The following PTGS1 variants were observed in gnomAD, a reference collection of about 807,000 sequenced individuals.
PTGS1 encodes prostaglandin-endoperoxide synthase 1, also known as prostaglandin G/H synthase 1.
Under a neutral mutation model 63.0 loss-of-function variants are expected in PTGS1, and 40 were observed. The ratio of observed to expected loss-of-function variants is 0.63; its 90% CI spans 0.49 to 0.83. PTGS1 has a LOEUF of 0.83. Among genes scored for constraint, PTGS1 ranks in the 40% least tolerant of loss-of-function variants. The probability of loss-of-function intolerance (pLI) is 0.00; values close to 1 mark genes in which losing one functional copy is unlikely to be tolerated. For synonymous variants in PTGS1, 298 were observed against 301.9 expected (o/e 0.99, Z 0.13); for missense variants, 709 against 786.5 (o/e 0.90, Z 1.18).
At chr9:122,374,422 C>A (rs1168511490) in intron 2 of PTGS1, among the ~76,000 whole-genome samples, 3 of 152,102 alleles carry the variant, frequency 2.0e-5, no homozygotes, top group African/African-American at 7.2e-5. Flanking sequence ...GGGACTCACC[C>A]AAGAATGCAC....
intron 2 of PTGS1, among the ~76,000 whole-genome samples, chr9:122,377,516 A>G (rs1381586815): frequency 7.1e-6 from 1 of 140,246 alleles, no homozygotes; most frequent in Non-Finnish European, 1.5e-5. Flanking sequence ...AACTCTGACT[A>G]GGCAGGAAGT....
At chr9:122,385,288 A>G (rs1046511359) in intron 8 of PTGS1, among the ~76,000 whole-genome samples, 2 of 152,084 alleles carry the variant, frequency 1.3e-5, no homozygotes, top group Admixed American at 1.3e-4. Flanking sequence ...CACATTTTAC[A>G]GTTAAGGAAA....
At chr9:122,374,882 G>A (rs540968016) in intron 2 of PTGS1, among the ~76,000 whole-genome samples, 1 of 152,250 alleles carries the variant, frequency 6.6e-6, no homozygotes, top group South Asian at 2.1e-4. Context: ...TCTTGGCTCC[G>A]CAACTTCAAA....
intron 10 of PTGS1, among the ~76,000 whole-genome samples, chr9:122,390,947 A>C (rs1838184871): frequency 6.6e-6 from 1 of 152,048 alleles, no homozygotes; most frequent in Admixed American, 6.6e-5. Context: ...GTATCTAGGG[A>C]AACAGTCATA....
intron 9 of PTGS1, among the ~76,000 whole-genome samples, chr9:122,387,236 T>C (rs1837927377): frequency 6.6e-6 from 1 of 151,780 alleles, no homozygotes; most frequent in African/African-American, 2.4e-5. Context: ...GTGGTGTTAG[T>C]GGCAGGGGAT....
At chr9:122,375,370 G>C in intron 2 of PTGS1, 1 of 985,562 alleles carries the variant, frequency 1.0e-6, no homozygotes, top group Non-Finnish European at 1.2e-6. Flanking sequence ...GGCCATGGCG[G>C]GAGGCCTTCC....
At chr9:122,388,468 C>A (rs1381659017) in intron 9 of PTGS1, among the ~76,000 whole-genome samples, 1 of 152,184 alleles carries the variant, frequency 6.6e-6, no homozygotes, top group Admixed American at 6.5e-5. Flanking sequence ...TTTAAATTGA[C>A]CACAGCCATA....
rs10306140 is a variant in PTGS1 at position 122,378,868 on chromosome 9, G to C, written c.446G>C (p.Arg149Pro). The change falls in exon 5 of 11, where the codon CGT becomes CCT. Residue 149 changes from arginine to proline, a missense_variant. By Grantham distance (103) the Arg-to-Pro change is moderately radical. Transcript: ENST00000362012. Reference sequence around the variant, plus strand: ...TTCTCCAACGTGAGCTATTACACTCGTATTCTGCCCTCTGTGCCTAAAGAT... The same window carrying C: ...TTCTCCAACGTGAGCTATTACACTCCTATTCTGCCCTCTGTGCCTAAAGAT... ...ESFSNVSYYT[R>P]ILPSVPKDCP... 2 of 1,614,204 alleles carry C rather than the reference G, an allele frequency of 1.2e-6. No individual in the cohort carries two copies. Among genetic ancestry groups the C allele is most frequent in the South Asian group, 1.1e-5 (1 of 91,090 alleles).
Position 122,391,358 on chromosome 9 carries a change from CATATATATATATACAT to C in PTGS1, c.1445-819_1445-804del, listed in dbSNP as rs773754495. ...TGTGTATATATATACTATATATATACATATATATATATACATATATATATATACATATATATATACA... is the reference window on the plus strand; with the variant it reads ...TGTGTATATATATACTATATATATACATATATATATACATATATATATACA... On this transcript the variant is annotated intron_variant, in intron 10 of 10. Coordinates refer to ENST00000362012, the MANE Select transcript of PTGS1 (RefSeq NM_000962.4). Among the ~76,000 whole-genome samples, 483 of 104,246 alleles carry C rather than the reference CATATATATATATACAT, an allele frequency of 4.6e-3. 3 individuals carry two copies. The highest frequency in any genetic ancestry group is 9.3e-3 in the African/African-American group (228 of 24,566). 68.4% of individuals were successfully genotyped at this position (104,246 alleles called of 152,430 possible).
At chr9:122,388,203 T>A (rs979190282) in intron 9 of PTGS1, among the ~76,000 whole-genome samples, 1 of 152,188 alleles carries the variant, frequency 6.6e-6, no homozygotes, top group Non-Finnish European at 1.5e-5. Context: ...GTCAAGATTT[T>A]TTTTCTTTTT....
chr9:122,386,128 CT>C (rs1311299911), intron 8 of PTGS1, among the ~76,000 whole-genome samples: 1 of 124,694 alleles, frequency 8.0e-6, no homozygotes, highest in Non-Finnish European at 1.6e-5. Context: ...GACCCCATCT[CT>C]TAAAAAAAAA....
At position 122,386,687 on chromosome 9, in the gene PTGS1, G is replaced by A; in HGVS notation, c.1251G>A (p.Gly417=). 1 of 1,614,196 alleles carries A rather than the reference G, an allele frequency of 6.2e-7. No individual in the cohort carries two copies. The highest frequency in any genetic ancestry group is 1.1e-5 in the South Asian group (1 of 91,080). The change falls in exon 9 of 11, where the codon GGG becomes GGA. Residue 417 remains glycine (G), a synonymous_variant. Coordinates refer to ENST00000362012, the MANE Select transcript of PTGS1 (RefSeq NM_000962.4). ...ACACCTCCATGTTGGTGGACTATGG[G>A]GTTGAGGCCCTGGTGGATGCCTTCT... ...LFNTSMLVDY[G]VEALVDAFSR...
intron 2 of PTGS1, among the ~76,000 whole-genome samples, chr9:122,372,263 A>G (rs1329068273): frequency 6.6e-6 from 1 of 152,060 alleles, no homozygotes; most frequent in African/African-American, 2.4e-5. Flanking sequence ...GAAAGAGGAA[A>G]GATATGTACA....
At chr9:122,381,017 C>T (rs910238568) in intron 5 of PTGS1, among the ~76,000 whole-genome samples, 1 of 152,166 alleles carries the variant, frequency 6.6e-6, no homozygotes, top group African/African-American at 2.4e-5. Flanking sequence ...TGCAAAGATA[C>T]ACAAAAGTTG....
chr9:122,372,546 G>A (rs886462247), intron 2 of PTGS1: 1 of 152,264 alleles, frequency 6.6e-6, no homozygotes, highest in Non-Finnish European at 1.5e-5. Context: ...CCCAGAGGGA[G>A]TGAAGCCACT....
chr9:122,378,108 C>A, intron 3 of PTGS1, 93 bp downstream of exon 3: 1 of 1,202,864 alleles, frequency 8.3e-7, no homozygotes, highest in Non-Finnish European at 1.2e-6. Flanking sequence ...ACCCTCCTCT[C>A]TGACCATGGC....
intron 9 of PTGS1, among the ~76,000 whole-genome samples, chr9:122,388,022 G>A (rs1011300580): frequency 1.3e-5 from 2 of 152,154 alleles, no homozygotes; most frequent in African/African-American, 2.4e-5. Context: ...CCTCTTTGTC[G>A]GTTTCTTTAT....
At chr9:122,370,901 A>T (rs1032090542), upstream of PTGS1, 33 of 986,060 alleles carry the variant, frequency 3.3e-5, no homozygotes, top group Non-Finnish European at 4.8e-5. Flanking sequence ...TACACTAATT[A>T]ATAAAATGCC....
At chr9:122,378,598 A>G in intron 4 of PTGS1, 25 bp downstream of exon 4, 2 of 1,614,012 alleles carry the variant, frequency 1.2e-6, no homozygotes, top group Non-Finnish European at 1.7e-6. Context: ...GGGCCCCCTG[A>G]CCTGGGGGAG....
Sources: allele counts gnomAD v4.1 joint callset (sites outside exome capture counted in the v4.1 genomes callset), GRCh38; gene constraint gnomAD v4.1.1; transcripts MANE v1.5; gene names NCBI Gene and HGNC (gene_info 2026-07-23, HGNC 2026-07-21).